SLIT2: variants seen among roughly 807,000 people sequenced by gnomAD.
SLIT2 encodes the protein slit guidance ligand 2, also known as slit homolog 2 protein.
In SLIT2, 41 loss-of-function variants were observed where a neutral mutation model predicts 185.7. The observed-to-expected ratio is 0.22, with a 90% CI of 0.17 to 0.29. The LOEUF (loss-of-function observed/expected upper bound fraction) is 0.29. SLIT2 is among the 10% of genes least tolerant of loss of function. SLIT2 has a pLI of 1.00. For missense variants in SLIT2, 1,571 were observed against 1,909.0 expected (o/e 0.82, Z 3.30); for synonymous variants, 693 against 680.2 (o/e 1.02, Z -0.29).
At chr4:20,589,800 T>G (rs1727355325) in intron 30 of SLIT2, 63 bp downstream of exon 30, 1 of 1,071,426 alleles carries the variant, frequency 9.3e-7, no homozygotes, top group Non-Finnish European at 1.4e-6. Context: ...TTAGGAGCCC[T>G]TCTCCTCCTT....
chr4:20,435,624 C>T (rs761462421), intron 4 of SLIT2, among the ~76,000 whole-genome samples: 2 of 152,040 alleles, frequency 1.3e-5, no homozygotes, highest in Admixed American at 6.6e-5. Flanking sequence ...CAGGAAATTT[C>T]GTTTAGTGCA....
chr4:20,495,225 G>T (rs1239978710), intron 9 of SLIT2, among the ~76,000 whole-genome samples: 2 of 152,050 alleles, frequency 1.3e-5, no homozygotes, highest in Admixed American at 6.5e-5. Context: ...AGGATTTTTT[G>T]AAAAAGACAA....
At chr4:20,298,082 G>GTTT (rs780505182) in intron 4 of SLIT2, among the ~76,000 whole-genome samples, 1 of 137,194 alleles carries the variant, frequency 7.3e-6, no homozygotes, top group Non-Finnish European at 1.6e-5. Flanking sequence ...TCTTCTGTTA[G>GTTT]TTTTTTTTTT....
At chr4:20,496,180 A>G (rs900792065) in intron 9 of SLIT2, among the ~76,000 whole-genome samples, 19 of 152,350 alleles carry the variant, frequency 1.2e-4, no homozygotes, top group African/African-American at 4.3e-4. Context: ...TGAGTGATCA[A>G]CTGCCTATAA....
chr4:20,451,873 A>G (rs1712513590), intron 4 of SLIT2, among the ~76,000 whole-genome samples: 2 of 152,224 alleles, frequency 1.3e-5, no homozygotes, highest in African/African-American at 4.8e-5. Flanking sequence ...CCACCAATTT[A>G]TATTGTGAAG....
At chr4:20,520,053 A>AG (rs1176319298) in intron 12 of SLIT2, among the ~76,000 whole-genome samples, 1 of 151,590 alleles carries the variant, frequency 6.6e-6, no homozygotes, top group East Asian at 1.9e-4. Flanking sequence ...AAAAAAAAAA[A>AG]AAAAAGATAT....
chr4:20,541,603 C>T lies in SLIT2; in HGVS notation c.2127C>T (p.Asp709=), dbSNP rs1722804295. The change falls in exon 20 of 37, where the codon GAC becomes GAT. Residue 709 remains aspartate, a synonymous_variant. Transcript: ENST00000504154. The stretch of plus-strand genomic sequence containing the variant: ...CCATCCAGGATGTGGCCATTCAGGA[C>T]TTCACTTGTGATGACGGTAAGAAAT... ...EIPIQDVAIQ[D]FTCDDGNDDN... The T allele has an allele frequency of 6.2e-7, 1 of 1,613,806 alleles. No homozygotes were observed. The highest frequency in any genetic ancestry group is 8.5e-7 in the Non-Finnish European group (1 of 1,179,726).
intron 32 of SLIT2, among the ~76,000 whole-genome samples, chr4:20,597,963 A>AT (rs1728112744): frequency 1.3e-5 from 2 of 152,242 alleles, no homozygotes; most frequent in Admixed American, 6.5e-5. Context: ...AATAAAGCTT[A>AT]TAACGGGAGC....
At chr4:20,519,600 G>C (rs1345328393) in intron 12 of SLIT2, 147 bp downstream of exon 12, 1 of 588,992 alleles carries the variant, frequency 1.7e-6, no homozygotes, top group Non-Finnish European at 3.0e-6. Flanking sequence ...AGTCAAGCTA[G>C]TATTCGTGAT....
intron 4 of SLIT2, among the ~76,000 whole-genome samples, chr4:20,403,051 A>G (rs1441875696): frequency 6.6e-6 from 1 of 151,894 alleles, no homozygotes; most frequent in Non-Finnish European, 1.5e-5. Context: ...AAACAAATAC[A>G]TGTTTAAAAT....
At chr4:20,607,037 G>A (rs1362836072) in intron 33 of SLIT2, among the ~76,000 whole-genome samples, 1 of 152,182 alleles carries the variant, frequency 6.6e-6, no homozygotes, top group Non-Finnish European at 1.5e-5. Flanking sequence ...CTAACTAGAT[G>A]TGTCACCTTG....
At chr4:20,611,246 G>A (rs1047053635) in intron 34 of SLIT2, among the ~76,000 whole-genome samples, 2 of 152,122 alleles carry the variant, frequency 1.3e-5, no homozygotes, top group African/African-American at 4.8e-5. Context: ...ACCACTCAAA[G>A]CCTTCTTTTC....
intron 33 of SLIT2, among the ~76,000 whole-genome samples, chr4:20,604,590 G>A (rs890980733): frequency 1.5e-4 from 23 of 151,994 alleles, no homozygotes; most frequent in Non-Finnish European, 2.6e-4. Context: ...CTTGTGATCC[G>A]TCCACTTCAG....
chr4:20,295,515 G>C (rs1160755540), intron 4 of SLIT2, among the ~76,000 whole-genome samples: 1 of 152,172 alleles, frequency 6.6e-6, no homozygotes, highest in Non-Finnish European at 1.5e-5. Flanking sequence ...TAAGATAGCT[G>C]CTCAAGTGAA....
rs749253173 is a variant in SLIT2 at position 20,488,940 on chromosome 4, C to A, written c.733C>A (p.His245Asn). ...TATGGGCCCCTCCCACCTGAGAGGC[C>A]ATAATGTAGCCGAGGTTCAAAAACG... ...QCMGPSHLRG[H>N]NVAEVQKREF... The change falls in exon 8 of 37, where the codon CAT becomes AAT. Residue 245 changes from histidine to asparagine, a missense_variant. By Grantham distance (68) the His-to-Asn change is moderately conservative. Around this residue, in one of 3 missense-constraint regions of SLIT2, gnomAD observed 1,202 missense variants for 1,416.4 expected, o/e 0.85. Coordinates refer to ENST00000504154, the MANE Select transcript of SLIT2 (RefSeq NM_004787.4). The A allele has an allele frequency of 1.2e-6, 2 of 1,611,432 alleles. No homozygotes were observed. Among genetic ancestry groups the A allele is most frequent in the Non-Finnish European group, 1.7e-6 (2 of 1,178,054 alleles).
rs559214302 is a variant in SLIT2, at chr4:20,544,343, TTACTC to T, written c.2277-1685_2277-1681del. 1.3e-3 allele frequency among the ~76,000 whole-genome samples: 201 copies of T among 152,304 alleles called. 1 individual carries two copies. The highest frequency in any genetic ancestry group is 4.5e-3 in the African/African-American group (187 of 41,576). Reference sequence around the variant, plus strand: ...TTAACTGGACTATGTATTGGTCACTTTACTCTATTCCCATTAAATAACTTTAAACA... The same window carrying T: ...TTAACTGGACTATGTATTGGTCACTTTATTCCCATTAAATAACTTTAAACA... On this transcript the variant is annotated intron_variant, in intron 21 of 36. Transcript: ENST00000504154.
intron 15 of SLIT2, among the ~76,000 whole-genome samples, chr4:20,527,094 A>G (rs1425893900): frequency 3.3e-5 from 5 of 152,192 alleles, no homozygotes; most frequent in Non-Finnish European, 7.3e-5. Flanking sequence ...ACTAAGACAC[A>G]TTATTTATAA....
At chr4:20,413,671 A>T (rs1025521950) in intron 4 of SLIT2, among the ~76,000 whole-genome samples, 1 of 151,770 alleles carries the variant, frequency 6.6e-6, no homozygotes, top group African/African-American at 2.4e-5. Flanking sequence ...TATATTGATC[A>T]TTTTCTAATT....
intron 19 of SLIT2, among the ~76,000 whole-genome samples, chr4:20,541,212 T>C (rs1722773820): frequency 6.6e-6 from 1 of 152,122 alleles, no homozygotes; most frequent in East Asian, 1.9e-4. Context: ...CATGAAATCA[T>C]GTGAAGAATT....
Sources: gnomAD v4.1 joint callset for allele counts (sites outside exome capture counted in the v4.1 genomes callset) on GRCh38, gnomAD v4.1.1 for gene constraint, gnomAD v4.1.1 regional missense constraint, MANE v1.5 for transcripts, NCBI Gene and HGNC (gene_info 2026-07-23, HGNC 2026-07-21) for gene names.